The following ING3 variants were observed in gnomAD, a reference collection of about 807,000 sequenced individuals.
The protein encoded by ING3 is inhibitor of growth protein 3.
A neutral mutation model predicts 64.8 loss-of-function variants in ING3; 6 were observed. The observed-to-expected ratio is 0.09, with a 90% confidence interval of 0.05 to 0.18. ING3 has a LOEUF of 0.18. Among genes scored for constraint, ING3 ranks in the 10% least tolerant of loss-of-function variants. The pLI is 1.00. For missense variants in ING3, 310 were observed against 489.7 expected (o/e 0.63, Z 3.46); for synonymous variants, 170 against 173.7 (o/e 0.98, Z 0.17).
Position 120,974,875 on chromosome 7 carries a change from A to G in ING3, c.*31A>G. Reference sequence around the variant, plus strand: ...GTCCTTTTGTTTGATGAAGAAATAAACTTCAGCTGAAGATTTTATATAGGA... The same window carrying G: ...GTCCTTTTGTTTGATGAAGAAATAAGCTTCAGCTGAAGATTTTATATAGGA... On this transcript the variant is annotated 3_prime_UTR_variant, in exon 12 of 12. Transcript: ENST00000315870. The G allele has an allele frequency of 2.7e-6, 4 of 1,455,752 alleles. No homozygotes were observed. The highest frequency in any genetic ancestry group is 3.8e-6 in the Non-Finnish European group (4 of 1,048,648). The allele number at this position is 1,455,752 out of a possible 1,614,324, so 90.2% of individuals were successfully genotyped here.
intron 9 of ING3, 37 bp downstream of exon 9, chr7:120,969,241 T>C: frequency 2.0e-6 from 3 of 1,530,670 alleles, no homozygotes; most frequent in Non-Finnish European, 2.7e-6. Context: ...ATACCTTTAC[T>C]GAACACTTGG....
At chr7:120,967,702 G>C (rs1796014308) in intron 7 of ING3, 54 bp downstream of exon 7, 1 of 1,505,016 alleles carries the variant, frequency 6.6e-7, no homozygotes, top group East Asian at 2.3e-5. Flanking sequence ...TAGAGTAAGG[G>C]GAAATAAAGT....
In ING3 at chr7:120,973,240, A is replaced by T. The variant is rs1409021353; in HGVS notation, c.1137A>T (p.Gln379His). ...SYGEMVGCDN[Q>H]DCPIEWFHYG... ...GTGAGATGGTGGGATGTGATAACCA[A>T]GATGTAAGTATTACATTTTTCTATT... Residue 379 changes from glutamine (Q) to histidine (H), a missense_variant, in exon 11 of 12, where the codon CAA becomes CAT. Transcript: ENST00000315870. 1 of 1,530,342 alleles carries T rather than the reference A, an allele frequency of 6.5e-7. No homozygotes were observed. Among genetic ancestry groups the T allele is most frequent in the Admixed American group, 1.7e-5 (1 of 58,318 alleles). The allele number at this position is 1,530,342 out of a possible 1,614,324, so 94.8% of individuals were successfully genotyped here. A position where few individuals can be genotyped will look rare whatever the true frequency, so the allele number is the denominator to read the frequency against.
chr7:120,975,793 A>G lies in ING3; in HGVS notation c.*949A>G, dbSNP rs1276126078. 6.6e-6 allele frequency: 1 copy of G among 152,224 alleles called. No individual in the cohort carries two copies. Among genetic ancestry groups the G allele is most frequent in the Non-Finnish European group, 1.5e-5 (1 of 68,040 alleles). The allele number at this position is 152,224 out of a possible 1,614,324, so 9.4% of individuals were successfully genotyped here. A position where few individuals can be genotyped will look rare whatever the true frequency, so the allele number is the denominator to read the frequency against. Reference sequence around the variant, plus strand: ...ATCTGTGATGTCTTTAATGATGTTTAGAGTTTGTGATATAAGAATACAGGA... The same window carrying G: ...ATCTGTGATGTCTTTAATGATGTTTGGAGTTTGTGATATAAGAATACAGGA... On this transcript the variant is annotated 3_prime_UTR_variant, in exon 12 of 12. Coordinates refer to ENST00000315870, the MANE Select transcript of ING3 (RefSeq NM_019071.3).
At chr7:120,957,268 A>G (rs1169933953) in intron 4 of ING3, among the ~76,000 whole-genome samples, 1 of 151,078 alleles carries the variant, frequency 6.6e-6, no homozygotes, top group Non-Finnish European at 1.5e-5. Flanking sequence ...GCTACTCGGG[A>G]GGCCGAGACA....
chr7:120,967,687 T>C, intron 7 of ING3, 39 bp downstream of exon 7: 14 of 1,551,398 alleles, frequency 9.0e-6, no homozygotes, highest in Non-Finnish European at 1.2e-5. Context: ...TTTGTTTGTT[T>C]GTGTTAGAGT....
intron 8 of ING3, among the ~76,000 whole-genome samples, chr7:120,968,430 T>C (rs1425961455): frequency 6.6e-6 from 1 of 152,206 alleles, no homozygotes; most frequent in Non-Finnish European, 1.5e-5. Flanking sequence ...CCTGTAGCCT[T>C]GGACTTAGGT....
chr7:120,974,048 G>C (rs1027804613), intron 11 of ING3, among the ~76,000 whole-genome samples: 1 of 152,108 alleles, frequency 6.6e-6, no homozygotes, highest in African/African-American at 2.4e-5. Flanking sequence ...GCTGTTTGTG[G>C]TTGTTGCAAA....
chr7:120,955,776 T>G (rs913440059), intron 4 of ING3, 152 bp downstream of exon 4: 12 of 620,884 alleles, frequency 1.9e-5, no homozygotes, highest in Non-Finnish European at 3.4e-5. Flanking sequence ...AGTGTCCATT[T>G]TATGGTTTCT....
At chr7:120,960,870 A>G (rs1795924682) in intron 4 of ING3, among the ~76,000 whole-genome samples, 1 of 152,214 alleles carries the variant, frequency 6.6e-6, no homozygotes, top group Non-Finnish European at 1.5e-5. Flanking sequence ...TGTCACTGTC[A>G]TAAGGATGTA....
At chr7:120,970,254 A>C (rs1273200679) in intron 9 of ING3, among the ~76,000 whole-genome samples, 1 of 152,130 alleles carries the variant, frequency 6.6e-6, no homozygotes, top group Non-Finnish European at 1.5e-5. Flanking sequence ...TCACGAGGTC[A>C]GGAGATCGAG....
intron 4 of ING3, among the ~76,000 whole-genome samples, chr7:120,960,071 A>G (rs1795911227): frequency 6.6e-6 from 1 of 152,218 alleles, no homozygotes; most frequent in Non-Finnish European, 1.5e-5. Flanking sequence ...GCTGTTAAGA[A>G]TGTAGTCTAA....
At position 120,967,921 on chromosome 7, in the gene ING3, T is replaced by A; in HGVS notation, c.557-13T>A. ...TCTGCAACCATTTTTATTTCTTTTT[T>A]ACATCTACACAGGTTGTCGAAATAA... is the stretch of plus-strand genomic sequence containing the variant. On this transcript the variant is annotated splice_polypyrimidine_tract_variant and intron_variant, in intron 7 of 11. Transcript: ENST00000315870. The A allele has an allele frequency of 6.2e-7, 1 of 1,612,360 alleles. No homozygotes were observed. The highest frequency in any genetic ancestry group is 1.1e-5 in the South Asian group (1 of 90,860).
chr7:120,968,964 T>G, intron 8 of ING3, 47 bp from the exon 9 acceptor site: 1 of 1,163,572 alleles, frequency 8.6e-7, no homozygotes, highest in Non-Finnish European at 1.2e-6. Flanking sequence ...AAAAAGAAAA[T>G]CTACATATTT....
intron 4 of ING3, chr7:120,956,802 C>A: frequency 1.0e-6 from 1 of 976,752 alleles, no homozygotes; most frequent in Non-Finnish European, 1.2e-6. Context: ...TCCTCATATT[C>A]AATGACTGTA....
chr7:120,968,468 G>C (rs1796025771), intron 8 of ING3, among the ~76,000 whole-genome samples: 1 of 152,046 alleles, frequency 6.6e-6, no homozygotes, highest in Non-Finnish European at 1.5e-5. Context: ...CTTCTGTATA[G>C]TTTGCCTATA....
At chr7:120,958,813 C>T (rs183434540) in intron 4 of ING3, among the ~76,000 whole-genome samples, 288 of 152,286 alleles carry the variant, frequency 1.9e-3, no homozygotes, top group Non-Finnish European at 2.5e-3. Context: ...TAAATCGTGT[C>T]GTGACCGTGA....
intron 9 of ING3, among the ~76,000 whole-genome samples, chr7:120,969,480 C>G (rs1437987851): frequency 1.3e-5 from 2 of 150,716 alleles, no homozygotes; most frequent in Non-Finnish European, 3.0e-5. Context: ...TAAGATAAAT[C>G]ATTTTATGGA....
At chr7:120,970,420 G>A (rs527812346) in intron 9 of ING3, among the ~76,000 whole-genome samples, 5 of 150,258 alleles carry the variant, frequency 3.3e-5, no homozygotes, top group South Asian at 2.1e-4. Context: ...TGCAGAGATC[G>A]CGCCACTGCA....
Sources: allele counts gnomAD v4.1 joint callset (sites outside exome capture counted in the v4.1 genomes callset), GRCh38; gene constraint gnomAD v4.1.1; transcripts MANE v1.5; gene names NCBI Gene and HGNC (gene_info 2026-07-23, HGNC 2026-07-21).